The following LARGE1 variants were observed in gnomAD, a reference collection of about 807,000 sequenced individuals.
LARGE1 encodes the protein LARGE xylosyl- and glucuronyltransferase 1.
Under a neutral mutation model 87.6 loss-of-function variants are expected in LARGE1, and 43 were observed. The observed-to-expected ratio is 0.49, with a 90% CI of 0.38 to 0.63. LARGE1 has a LOEUF of 0.63. Among genes scored for constraint, LARGE1 ranks in the 30% least tolerant of loss-of-function variants. LARGE1 has a pLI of 0.00. For synonymous variants in LARGE1, 434 were observed against 394.6 expected, an observed-to-expected ratio of 1.10 and a Z score of -1.18; for missense variants, 802 against 1,000.2, an observed-to-expected ratio of 0.80 and a Z score of 2.67.
At chr22:33,421,929 G>A (rs2066709675) in intron 7 of LARGE1, among the ~76,000 whole-genome samples, 1 of 152,258 alleles carries the variant, frequency 6.6e-6, no homozygotes, top group Non-Finnish European at 1.5e-5. Context: ...GATACAAAGT[G>A]AATAAGCTTT....
At chr22:33,574,276 T>C (rs1011604780) in intron 5 of LARGE1, among the ~76,000 whole-genome samples, 3 of 152,176 alleles carry the variant, frequency 2.0e-5, no homozygotes, top group African/African-American at 7.2e-5. Context: ...AAGTCTCTGA[T>C]ATAAAATGGT....
intron 11 of LARGE1, among the ~76,000 whole-genome samples, chr22:33,181,577 G>A (rs939824066): frequency 3.1e-4 from 47 of 150,198 alleles, no homozygotes; most frequent in African/African-American, 9.6e-4. Context: ...TCACCAGGCT[G>A]GAGTGCAGTG....
In LARGE1 at chr22:33,187,921, C is replaced by CAAAAAAAAAAA. The variant is rs578115819; in HGVS notation, c.1731-21100_1731-21090dup. Among the ~76,000 whole-genome samples, 23 of 36,912 alleles carry CAAAAAAAAAAA rather than the reference C, an allele frequency of 6.2e-4. 4 individuals are homozygous for CAAAAAAAAAAA. Among genetic ancestry groups the CAAAAAAAAAAA allele is most frequent in the Non-Finnish European group, 1.3e-3 (23 of 17,736 alleles). 24.2% of individuals were successfully genotyped at this position (36,912 alleles called of 152,430 possible). On this transcript the variant is annotated intron_variant, in intron 11 of 11. Coordinates refer to the LARGE1 transcript ENST00000608642. ...TGGGCAACAGAGTGAGACTCCGTCT[C>CAAAAAAAAAAA]AAAAAAAAAAAAAAAAAAAAAAAAA... is the stretch of plus-strand genomic sequence containing the variant.
chr22:33,816,798 C>G (rs2086667326), intron 1 of LARGE1, among the ~76,000 whole-genome samples: 1 of 152,152 alleles, frequency 6.6e-6, no homozygotes, highest in Non-Finnish European at 1.5e-5. Flanking sequence ...TCAGGCATAT[C>G]TGGCCACCAA....
chr22:33,430,472 A>G (rs1167020014), intron 7 of LARGE1, among the ~76,000 whole-genome samples: 1 of 152,148 alleles, frequency 6.6e-6, no homozygotes, highest in Non-Finnish European at 1.5e-5. Flanking sequence ...CAGCAACTAA[A>G]GTATTAATGC....
At chr22:33,754,931 C>T (rs1324674113) in intron 2 of LARGE1, among the ~76,000 whole-genome samples, 1 of 152,156 alleles carries the variant, frequency 6.6e-6, no homozygotes, top group Non-Finnish European at 1.5e-5. Flanking sequence ...GGGGAGCAGA[C>T]ACAGGGCTGG....
chr22:33,317,405 T>G (rs953835958), intron 10 of LARGE1, among the ~76,000 whole-genome samples: 2 of 152,182 alleles, frequency 1.3e-5, no homozygotes, highest in African/African-American at 4.8e-5. Flanking sequence ...AAACAAAACT[T>G]AGCACGTTAA....
intron 2 of LARGE1, among the ~76,000 whole-genome samples, chr22:33,678,329 T>G (rs898392551): frequency 2.0e-5 from 3 of 152,214 alleles, no homozygotes; most frequent in Non-Finnish European, 4.4e-5. Context: ...TGGGCCCTCC[T>G]CTTTGACTTA....
chr22:33,605,069 C>T (rs2079216306), intron 4 of LARGE1, among the ~76,000 whole-genome samples: 1 of 151,418 alleles, frequency 6.6e-6, no homozygotes, highest in African/African-American at 2.4e-5. Context: ...ATCGGGAGCT[C>T]CCATCACCCA....
intron 1 of LARGE1, among the ~76,000 whole-genome samples, chr22:33,814,041 T>C (rs1415806117): frequency 1.3e-5 from 2 of 152,180 alleles, no homozygotes; most frequent in African/African-American, 2.4e-5. Flanking sequence ...CGTATCTCGA[T>C]GGGGGAAGAA....
chr22:33,309,111 G>A (rs1935268631), intron 11 of LARGE1, among the ~76,000 whole-genome samples: 1 of 152,000 alleles, frequency 6.6e-6, no homozygotes, highest in Admixed American at 6.5e-5. Flanking sequence ...ACAAACCAGA[G>A]GTTTGATTGG....
At chr22:33,692,760 T>C (rs138994965) in intron 2 of LARGE1, among the ~76,000 whole-genome samples, 134 of 152,344 alleles carry the variant, frequency 8.8e-4, no homozygotes, top group African/African-American at 2.9e-3. Context: ...ACTGTATCAA[T>C]TTTTACAATG....
chr22:33,665,805 T>C (rs376882363), intron 2 of LARGE1, among the ~76,000 whole-genome samples: 97 of 151,876 alleles, frequency 6.4e-4, no homozygotes, highest in African/African-American at 2.3e-3. Context: ...GGCAGGAGAA[T>C]GGTGTGAACC....
intron 1 of LARGE1, among the ~76,000 whole-genome samples, chr22:33,808,688 T>A (rs2086394485): frequency 6.6e-6 from 1 of 152,216 alleles, no homozygotes; most frequent in Non-Finnish European, 1.5e-5. Flanking sequence ...ACGAGTACAC[T>A]GGAGTTGCAC....
At chr22:33,622,630 C>T (rs907125931) in intron 4 of LARGE1, among the ~76,000 whole-genome samples, 7 of 152,200 alleles carry the variant, frequency 4.6e-5, no homozygotes, top group Admixed American at 6.5e-5. Context: ...CTGGGCTGTA[C>T]GTAAGGCAGA....
intron 1 of LARGE1, among the ~76,000 whole-genome samples, chr22:33,881,185 A>T (rs2064671491): frequency 6.6e-6 from 1 of 152,128 alleles, no homozygotes; most frequent in African/African-American, 2.4e-5. Context: ...AGGTTTCCAG[A>T]ACACAGTTAC....
At chr22:33,803,139 C>G (rs1397230986) in intron 1 of LARGE1, among the ~76,000 whole-genome samples, 1 of 152,184 alleles carries the variant, frequency 6.6e-6, no homozygotes, top group Non-Finnish European at 1.5e-5. Flanking sequence ...CCCAAGACAG[C>G]ATTCATGACC....
chr22:33,726,725 C>T (rs77052304), intron 2 of LARGE1, among the ~76,000 whole-genome samples: 7,130 of 152,168 alleles, frequency 0.047, 272 homozygotes, highest in South Asian at 0.22. Context: ...TTGGCCAGCC[C>T]CAAGGTGGGC....
At chr22:33,817,981 T>C (rs2086707294) in intron 1 of LARGE1, among the ~76,000 whole-genome samples, 1 of 152,034 alleles carries the variant, frequency 6.6e-6, no homozygotes, top group Non-Finnish European at 1.5e-5. Context: ...TGCAGGCAGC[T>C]TCACACTGTG....
Sources: gnomAD v4.1 joint callset for allele counts (sites outside exome capture counted in the v4.1 genomes callset) on GRCh38, gnomAD v4.1.1 for gene constraint, MANE v1.5 for transcripts, NCBI Gene and HGNC (gene_info 2026-07-23, HGNC 2026-07-21) for gene names.